LIMCH1: variants seen among roughly 807,000 people sequenced by gnomAD.
LIMCH1 encodes the protein LIM and calponin homology domains-containing protein 1.
Under a neutral mutation model 176.5 loss-of-function variants are expected in LIMCH1, and 113 were observed. That is an observed-to-expected ratio of 0.64 (90% CI 0.55 to 0.75). LIMCH1 has a LOEUF of 0.75. Among genes scored for constraint, LIMCH1 ranks in the 30% least tolerant of loss-of-function variants. The pLI is 0.00. For synonymous variants in LIMCH1, 619 were observed against 645.9 expected (o/e 0.96, Z 0.63); for missense variants, 1,674 against 1,814.9 (o/e 0.92, Z 1.41).
intron 1 of LIMCH1, chr4:41,418,837 G>A (rs1581835531): frequency 6.6e-6 from 1 of 152,120 alleles, no homozygotes; most frequent in Non-Finnish European, 1.5e-5. Flanking sequence ...GTGTTGGGGA[G>A]GAAACAGTAT....
intron 2 of LIMCH1, among the ~76,000 whole-genome samples, chr4:41,505,533 T>C (rs1277924972): frequency 6.6e-6 from 1 of 152,184 alleles, no homozygotes; most frequent in East Asian, 1.9e-4. Flanking sequence ...TTGAAAACAA[T>C]AACCCTGACC....
intron 1 of LIMCH1, among the ~76,000 whole-genome samples, chr4:41,419,576 T>G (rs11721856): frequency 0.14 from 12,126 of 89,188 alleles, 845 homozygotes; most frequent in South Asian, 0.25. Context: ...CCTTCCTTCC[T>G]TCCTTCCTTC....
exon 3 of LIMCH1, chr4:41,524,409 G>T (rs1412524665): frequency 6.2e-7 from 1 of 1,613,324 alleles, no homozygotes; most frequent in Non-Finnish European, 8.5e-7. Flanking sequence ...TTCATGACAG[G>T]TTGCTGAATG....
chr4:41,692,323 G>A lies in LIMCH1; in HGVS notation c.4317G>A (p.Gly1439=), dbSNP rs773449905. Residue 1439 remains glycine (G), a synonymous_variant, in exon 31 of 32, where the codon GGG becomes GGA. Coordinates refer to ENST00000503057, the MANE Select transcript of LIMCH1 (RefSeq NM_001330672.2). ...GCCAGCTTGGAGATGCAGTGAGTGG[G>A]ACGGATGTTAGGATTCGAAATGGTC... ...CKGQLGDAVS[G]TDVRIRNGLL... is the part of the protein sequence containing the mutation. 4 of 1,613,640 alleles carry A rather than the reference G, an allele frequency of 2.5e-6. No homozygotes were observed. Among genetic ancestry groups the A allele is most frequent in the Non-Finnish European group, 3.4e-6 (4 of 1,179,624 alleles).
intron 1 of LIMCH1, among the ~76,000 whole-genome samples, chr4:41,367,866 TA>T (rs750045066): frequency 0.083 from 7,545 of 90,950 alleles, 227 homozygotes; most frequent in African/African-American, 0.13. Context: ...GACTCCATCA[TA>T]AAAAAAAAAA....
intron 1 of LIMCH1, among the ~76,000 whole-genome samples, chr4:41,578,759 G>T (rs2084913523): frequency 6.6e-6 from 1 of 151,042 alleles, no homozygotes; most frequent in South Asian, 2.1e-4. Context: ...GTCTCACTTG[G>T]TTGCCCAGGC....
At chr4:41,538,421 G>A in intron 1 of LIMCH1, 71 bp downstream of exon 1, 1 of 877,902 alleles carries the variant, frequency 1.1e-6, no homozygotes, top group Non-Finnish European at 1.4e-6. Flanking sequence ...AAGCTATTTA[G>A]ACTTTAATAC....
chr4:41,534,973 C>T (rs2077720215), upstream of LIMCH1, among the ~76,000 whole-genome samples: 1 of 151,822 alleles, frequency 6.6e-6, no homozygotes, highest in South Asian at 2.1e-4. Flanking sequence ...CCAGCCTAGG[C>T]AACATGGCAA....
chr4:41,587,413 G>A (rs1274953147), intron 1 of LIMCH1, among the ~76,000 whole-genome samples: 2 of 152,158 alleles, frequency 1.3e-5, no homozygotes, highest in African/African-American at 2.4e-5. Flanking sequence ...TTTTCAAACT[G>A]CAAGTAAGAA....
In LIMCH1 at chr4:41,541,109, G is replaced by A. The variant is rs139528533; in HGVS notation, c.-241+2759G>A. 1.8e-3 allele frequency among the ~76,000 whole-genome samples: 268 copies of A among 152,302 alleles called. 2 individuals are homozygous for A. The highest frequency in any genetic ancestry group is 2.9e-3 in the Non-Finnish European group (200 of 68,018). On this transcript the variant is annotated intron_variant, in intron 1 of 31. Coordinates refer to ENST00000503057, the MANE Select transcript of LIMCH1 (RefSeq NM_001330672.2). ...GGCAGTGAAAGAAATGTAGACGTGG[G>A]CATTGGATTGAACCATGAAACTGAA...
At chr4:41,425,059 A>T (rs1438117112) in intron 1 of LIMCH1, among the ~76,000 whole-genome samples, 1 of 152,196 alleles carries the variant, frequency 6.6e-6, no homozygotes, top group East Asian at 1.9e-4. Context: ...GTGCTTGAAG[A>T]GTGTGACATC....
intron 1 of LIMCH1, among the ~76,000 whole-genome samples, chr4:41,449,266 T>C (rs1444502678): frequency 6.6e-6 from 1 of 152,054 alleles, no homozygotes; most frequent in Non-Finnish European, 1.5e-5. Flanking sequence ...CCCACTATCT[T>C]GACTTTCCCT....
intron 1 of LIMCH1, among the ~76,000 whole-genome samples, chr4:41,585,384 A>G (rs913118987): frequency 6.6e-6 from 1 of 152,194 alleles, no homozygotes; most frequent in Non-Finnish European, 1.5e-5. Flanking sequence ...TCAGAAAGTC[A>G]TCTCTTTATA....
chr4:41,471,222 AT>A (rs551286385), intron 1 of LIMCH1, among the ~76,000 whole-genome samples: 148 of 152,168 alleles, frequency 9.7e-4, no homozygotes, highest in Non-Finnish European at 1.6e-3. Context: ...TAACAAGAAA[AT>A]ATTTTTGTAT....
At chr4:41,493,446 A>G (rs1295858918) in intron 1 of LIMCH1, among the ~76,000 whole-genome samples, 1 of 151,978 alleles carries the variant, frequency 6.6e-6, no homozygotes, top group African/African-American at 2.4e-5. Flanking sequence ...GTGGACCAAA[A>G]ATATTAAAAA....
intron 28 of LIMCH1, among the ~76,000 whole-genome samples, chr4:41,686,312 G>A (rs1720728238): frequency 1.3e-5 from 2 of 152,150 alleles, no homozygotes; most frequent in African/African-American, 4.8e-5. Context: ...CTGTTGAAGA[G>A]TTTACATATA....
At chr4:41,508,436 C>A (rs912601388) in intron 2 of LIMCH1, among the ~76,000 whole-genome samples, 2 of 152,090 alleles carry the variant, frequency 1.3e-5, no homozygotes, top group African/African-American at 4.8e-5. Flanking sequence ...GACAAGCCAC[C>A]CAGGACCAGA....
chr4:41,437,639 A>G (rs929606392), intron 1 of LIMCH1, among the ~76,000 whole-genome samples: 4 of 152,050 alleles, frequency 2.6e-5, no homozygotes, highest in Non-Finnish European at 5.9e-5. Flanking sequence ...GTGGACTTCA[A>G]AATAATGAGA....
chr4:41,641,993 T>C lies in LIMCH1; in HGVS notation c.2127-2507T>C, dbSNP rs540825018. Among the ~76,000 whole-genome samples the C allele has an allele frequency of 2.0e-4, 31 of 152,328 alleles. 1 individual carries two copies. The South Asian group carries it at 6.4e-3, about 32-fold the overall frequency. ...GACAAAGGTAATTCTTAAGGTCTGCTCTCATTTTCTCCATGCCCATTGGGT... is the reference window on the plus strand; with the variant it reads ...GACAAAGGTAATTCTTAAGGTCTGCCCTCATTTTCTCCATGCCCATTGGGT... On this transcript the variant is annotated intron_variant, in intron 14 of 31. Transcript: ENST00000503057.
Sources: allele counts gnomAD v4.1 joint callset (sites outside exome capture counted in the v4.1 genomes callset), GRCh38; gene constraint gnomAD v4.1.1; transcripts MANE v1.5; gene names NCBI Gene and HGNC (gene_info 2026-07-23, HGNC 2026-07-21).